The following HIP1 variants were observed in gnomAD, a reference collection of about 807,000 sequenced individuals.
HIP1 encodes huntingtin-interacting protein 1.
In HIP1, 65 loss-of-function variants were observed where a neutral mutation model predicts 147.6. The observed-to-expected ratio is 0.44, with a 90% confidence interval of 0.36 to 0.54. The LOEUF (loss-of-function observed/expected upper bound fraction) is 0.54, where lower values mean the gene tolerates loss of function less well. Ranked by LOEUF, HIP1 falls within the 20% of genes least tolerant of loss-of-function variation. HIP1 has a pLI of 0.00. For missense variants in HIP1, 1,061 were observed against 1,299.6 expected (o/e 0.82, Z 2.82); for synonymous variants, 479 against 504.0 (o/e 0.95, Z 0.67).
intron 28 of HIP1, 115 bp from the exon 29 acceptor site, chr7:75,542,095 T>G (rs1794344780): frequency 1.2e-6 from 1 of 838,454 alleles, no homozygotes; most frequent in Non-Finnish European, 2.1e-6. Flanking sequence ...TTGTCAACAC[T>G]GCATGAAAGT....
At chr7:75,572,173 G>A (rs1443190600) in intron 8 of HIP1, among the ~76,000 whole-genome samples, 1 of 150,246 alleles carries the variant, frequency 6.7e-6, no homozygotes, top group South Asian at 2.1e-4. Context: ...GCAGTGAGCC[G>A]AGATCATGCC....
At chr7:75,639,368 G>C in intron 1 of HIP1, 1 of 194,874 alleles carries the variant, frequency 5.1e-6, no homozygotes, top group Non-Finnish European at 9.3e-6. Context: ...AGCCCCCGGG[G>C]ACCGGGAAAT....
chr7:75,554,610 C>T (rs1284158111), intron 19 of HIP1, 84 bp from the exon 20 acceptor site: 2 of 960,682 alleles, frequency 2.1e-6, no homozygotes, highest in East Asian at 2.4e-5. Context: ...AATGGAGGAG[C>T]TTACCTAGTG....
chr7:75,544,715 G>A lies in HIP1; in HGVS notation c.2746C>T (p.Gln916Ter). The change falls in exon 27 of 31, where the codon CAG (glutamine) becomes TAG (stop). Residue 916 changes from glutamine (Q) to a stop codon, truncating the protein, a stop_gained. Coordinates refer to ENST00000336926, the MANE Select transcript of HIP1 (RefSeq NM_005338.7). LOFTEE classifies it high-confidence loss of function. The stretch of plus-strand genomic sequence containing the variant: ...CCTACCTTGGATGCAGCCACAAGCT[G>A]GGCTGTGCTAGCAGCAATTTCATGA... ...CSHEIAASTA[Q>*]LVAASKVKAD... 6.2e-7 allele frequency: 1 copy of A among 1,611,884 alleles called. No homozygotes were observed. Among genetic ancestry groups the A allele is most frequent in the Non-Finnish European group, 8.5e-7 (1 of 1,177,980 alleles).
intron 1 of HIP1, among the ~76,000 whole-genome samples, chr7:75,727,250 A>T (rs1034841635): frequency 1.3e-5 from 2 of 151,204 alleles, no homozygotes; most frequent in Admixed American, 6.6e-5. Flanking sequence ...GGGACTATAG[A>T]TGTACACCTA....
chr7:75,547,253 T>C (rs1794602550), intron 24 of HIP1, among the ~76,000 whole-genome samples: 1 of 152,004 alleles, frequency 6.6e-6, no homozygotes. Flanking sequence ...AATAGTGAAA[T>C]TGTGATTCCT....
At chr7:75,581,501 G>A (rs1300244369) in intron 6 of HIP1, among the ~76,000 whole-genome samples, 20 of 152,196 alleles carry the variant, frequency 1.3e-4, no homozygotes, top group African/African-American at 4.3e-4. Context: ...GCGACAGGTC[G>A]GGGGCGGTGG....
At chr7:75,559,004 G>A (rs1795123609) in intron 14 of HIP1, among the ~76,000 whole-genome samples, 1 of 152,164 alleles carries the variant, frequency 6.6e-6, no homozygotes, top group Non-Finnish European at 1.5e-5. Context: ...GGGCGACAGA[G>A]TGAGACTCCA....
At chr7:75,664,082 A>G (rs1411543528) in intron 1 of HIP1, among the ~76,000 whole-genome samples, 1 of 120,874 alleles carries the variant, frequency 8.3e-6, no homozygotes, top group Non-Finnish European at 1.7e-5. Flanking sequence ...ATACACACAC[A>G]TATACACACA....
At chr7:75,641,554 C>A (rs1554510512) in intron 1 of HIP1, among the ~76,000 whole-genome samples, 1 of 151,222 alleles carries the variant, frequency 6.6e-6, no homozygotes, top group African/African-American at 2.4e-5. Flanking sequence ...TGCAATGGTG[C>A]AATCTCAGCT....
At chr7:75,655,146 G>A (rs546730929) in intron 1 of HIP1, among the ~76,000 whole-genome samples, 1 of 152,196 alleles carries the variant, frequency 6.6e-6, no homozygotes, top group Non-Finnish European at 1.5e-5. Context: ...GGACAGCCCA[G>A]GTGTCCATCA....
chr7:75,656,351 G>T (rs1439512860), intron 1 of HIP1, among the ~76,000 whole-genome samples: 1 of 150,984 alleles, frequency 6.6e-6, no homozygotes, highest in Admixed American at 6.6e-5. Context: ...GTACCAAACA[G>T]TGAGAAGAAG....
Position 75,551,267 on chromosome 7 carries a change from G to T in HIP1, c.2295+2186C>A, listed in dbSNP as rs1014060060. 3.8e-5 allele frequency among the ~76,000 whole-genome samples: 5 copies of T among 131,296 alleles called. No homozygotes were observed. In the East Asian group the frequency reaches 6.9e-4, roughly 18 times the overall value. 86.1% of individuals were successfully genotyped at this position (131,296 alleles called of 152,430 possible). A position where few individuals can be genotyped will look rare whatever the true frequency, so the allele number is the denominator to read the frequency against. On this transcript the variant is annotated intron_variant, in intron 22 of 30. Coordinates refer to ENST00000336926, the MANE Select transcript of HIP1 (RefSeq NM_005338.7). ...GGCTGGAGTGCAGTGGTGCAATCTC[G>T]GCTCACTGCAGCCTCCGCCTCCCAG... is the stretch of plus-strand genomic sequence containing the variant.
chr7:75,554,040 C>T (rs1216941303), intron 21 of HIP1, 73 bp downstream of exon 21: 36 of 1,146,270 alleles, frequency 3.1e-5, no homozygotes, highest in African/African-American at 1.5e-4. Context: ...CCACTGCGCC[C>T]GGCCCAACAG....
chr7:75,719,132 A>G (rs1339381338), intron 1 of HIP1, among the ~76,000 whole-genome samples: 1 of 152,094 alleles, frequency 6.6e-6, no homozygotes, highest in East Asian at 1.9e-4. Flanking sequence ...AGCCTGGGCA[A>G]CATAGAGAGA....
At chr7:75,731,010 C>T (rs1801821711) in intron 1 of HIP1, among the ~76,000 whole-genome samples, 3 of 151,768 alleles carry the variant, frequency 2.0e-5, no homozygotes, top group Admixed American at 2.0e-4. Context: ...GCCAGGATTA[C>T]AGGCATGAGC....
At chr7:75,543,619 G>A (rs1224672178) in intron 27 of HIP1, among the ~76,000 whole-genome samples, 1 of 152,146 alleles carries the variant, frequency 6.6e-6, no homozygotes, top group African/African-American at 2.4e-5. Flanking sequence ...TTACAGGAGC[G>A]AGCCATCGTG....
At chr7:75,545,284 G>T in intron 25 of HIP1, 96 bp from the exon 26 acceptor site, 1 of 749,952 alleles carries the variant, frequency 1.3e-6, no homozygotes. Flanking sequence ...CATCCTCATA[G>T]TAACTCTGAG....
At position 75,557,687 on chromosome 7, in the gene HIP1, C is replaced by T. The variant is rs781962536; in HGVS notation, c.1548G>A (p.Ser516=). 51 of 1,614,004 alleles carry T rather than the reference C, an allele frequency of 3.2e-5. No individual in the cohort carries two copies. Among genetic ancestry groups the T allele is most frequent in the Middle Eastern group, 3.3e-4 (2 of 6,084 alleles). ...LEREKKELED[S]LERISDQGQR... ...GGCCCTGGTCACTGATGCGCTCCAA[C>T]GAATCCTCCAGCTCTTTTTTCTCTC... The change falls in exon 16 of 31, where the codon TCG becomes TCA. Residue 516 remains serine, a synonymous_variant. Coordinates refer to ENST00000336926, the MANE Select transcript of HIP1 (RefSeq NM_005338.7).
Sources: allele counts gnomAD v4.1 joint callset (sites outside exome capture counted in the v4.1 genomes callset), GRCh38; gene constraint gnomAD v4.1.1; transcripts MANE v1.5; gene names NCBI Gene and HGNC (gene_info 2026-07-23, HGNC 2026-07-21).